SMC5: variants seen among roughly 807,000 people sequenced by gnomAD.
SMC5 encodes the protein structural maintenance of chromosomes 5.
Under a neutral mutation model 148.3 loss-of-function variants are expected in SMC5, and 88 were observed. The ratio of observed to expected loss-of-function variants is 0.59; its 90% CI spans 0.50 to 0.71. SMC5 has a LOEUF of 0.71. Ranked by LOEUF, SMC5 falls within the 30% of genes least tolerant of loss-of-function variation. The pLI is 0.00. For missense variants in SMC5, 1,142 were observed against 1,298.9 expected (o/e 0.88, Z 1.86); for synonymous variants, 421 against 432.8 (o/e 0.97, Z 0.34).
intron 8 of SMC5, among the ~76,000 whole-genome samples, chr9:70,287,258 T>A: frequency 6.6e-6 from 1 of 152,120 alleles, no homozygotes; most frequent in South Asian, 2.1e-4. Context: ...TATAATATTG[T>A]TTTTTCTTAG....
At position 70,291,235 on chromosome 9, in the gene SMC5, T is replaced by G. The variant is rs138574535; in HGVS notation, c.1053+4964T>G. Among the ~76,000 whole-genome samples, 598 of 152,358 alleles carry G rather than the reference T, an allele frequency of 3.9e-3. 3 individuals carry two copies. Among genetic ancestry groups the G allele is most frequent in the African/African-American group, 0.013 (553 of 41,588 alleles). Reference sequence around the variant, plus strand: ...GAATCTGTATTTCCTAAAATGCCTGTAACCCATATGTTTCCCAGTCTTTGT... The same window carrying G: ...GAATCTGTATTTCCTAAAATGCCTGGAACCCATATGTTTCCCAGTCTTTGT... On this transcript the variant is annotated intron_variant, in intron 8 of 24. Transcript: ENST00000361138.
At chr9:70,295,361 C>T (rs113379476) in intron 8 of SMC5, among the ~76,000 whole-genome samples, 1,801 of 151,188 alleles carry the variant, frequency 0.012, 27 homozygotes, top group African/African-American at 0.041. Context: ...GTCCCAGCTA[C>T]TCGGGAGGCT....
chr9:70,288,444 T>A (rs1453182333), intron 8 of SMC5, among the ~76,000 whole-genome samples: 5 of 152,038 alleles, frequency 3.3e-5, no homozygotes, highest in African/African-American at 7.2e-5. Flanking sequence ...TAATTTTTTT[T>A]AAAAATCAAC....
intron 8 of SMC5, among the ~76,000 whole-genome samples, chr9:70,293,430 TTC>T (rs1048824950): frequency 2.6e-5 from 4 of 152,020 alleles, no homozygotes; most frequent in African/African-American, 9.7e-5. Context: ...TTATTGATTT[TTC>T]TCTCTGTTTT....
Position 70,350,304 on chromosome 9 carries a change from T to G in SMC5, c.3069+11T>G, listed in dbSNP as rs746702421. ...GATGAAATCAATCAGGTATGGTGAT[T>G]GTTCTGTTACTTGGATCTTCTTATA... On this transcript the variant is annotated intron_variant, in intron 23 of 24. Transcript: ENST00000361138. 3.7e-6 allele frequency: 6 copies of G among 1,611,604 alleles called. No individual in the cohort carries two copies.
intron 11 of SMC5, among the ~76,000 whole-genome samples, chr9:70,305,977 T>C (rs370410413): frequency 4.9e-4 from 74 of 152,340 alleles, no homozygotes; most frequent in African/African-American, 1.7e-3. Flanking sequence ...GGTAACATTA[T>C]CTACTTCAAA....
intron 18 of SMC5, 45 bp from the exon 19 acceptor site, chr9:70,346,560 C>G (rs769051603): frequency 5.6e-6 from 9 of 1,600,852 alleles, no homozygotes; most frequent in Admixed American, 5.1e-5. Flanking sequence ...ACTTCTTGCT[C>G]TCTTTCAATG....
chr9:70,347,008 A>G (rs12683377), intron 19 of SMC5, 58 bp from the exon 20 acceptor site: 2 of 1,275,890 alleles, frequency 1.6e-6, no homozygotes, highest in Middle Eastern at 1.9e-4. Context: ...TTTTCTTTTA[A>G]CTATTTGAAT....
intron 8 of SMC5, among the ~76,000 whole-genome samples, 187 bp from the exon 9 acceptor site, chr9:70,297,779 G>A (rs1361865870): frequency 6.6e-6 from 1 of 152,170 alleles, no homozygotes; most frequent in Non-Finnish European, 1.5e-5. Context: ...ATTAGTGAAT[G>A]TGTGAAACAA....
chr9:70,347,606 C>T lies in SMC5; in HGVS notation c.2665-7C>T, dbSNP rs62570342. 2 of 1,472,636 alleles carry T rather than the reference C, an allele frequency of 1.4e-6. No homozygotes were observed. The highest frequency in any genetic ancestry group is 1.8e-6 in the Non-Finnish European group (2 of 1,087,028). The allele number at this position is 1,472,636 out of a possible 1,614,324, so 91.2% of individuals were successfully genotyped here. A position where few individuals can be genotyped will look rare whatever the true frequency, so the allele number is the denominator to read the frequency against. ...TATCTTAAAGAAGTTTTTTTTTCCC[C>T]TGCCAGATTGTTCAGGAATATACAA... On this transcript the variant is annotated splice_polypyrimidine_tract_variant and splice_region_variant and intron_variant, in intron 20 of 24. Coordinates refer to ENST00000361138, the MANE Select transcript of SMC5 (RefSeq NM_015110.4).
intron 2 of SMC5, 152 bp from the exon 3 acceptor site, chr9:70,267,771 C>T: frequency 1.6e-6 from 1 of 606,546 alleles, no homozygotes; most frequent in South Asian, 2.3e-5. Flanking sequence ...GAACCCAGAT[C>T]TGGGAGAGAT....
intron 3 of SMC5, among the ~76,000 whole-genome samples, chr9:70,268,397 G>A (rs1301153598): frequency 6.6e-6 from 1 of 152,064 alleles, no homozygotes; most frequent in African/African-American, 2.4e-5. Context: ...AGTGAGCCGA[G>A]ATGGCGCCAC....
chr9:70,313,730 C>T (rs1355695476), intron 11 of SMC5, among the ~76,000 whole-genome samples: 1 of 152,104 alleles, frequency 6.6e-6, no homozygotes, highest in Admixed American at 6.6e-5. Flanking sequence ...GAACTCCTGA[C>T]CTCAGTTGAT....
rs771417726 is a variant in SMC5, at chr9:70,350,138, C to T, written c.2914C>T (p.Arg972Ter). Reference sequence around the variant, plus strand: ...GGAAGATTATGATAAATATGGAATTCGAATTAGAGTCAAATTTCGAAGTAG... The same window carrying T: ...GGAAGATTATGATAAATATGGAATTTGAATTAGAGTCAAATTTCGAAGTAG... ...NEEDYDKYGI[R>*]IRVKFRSSTQ... Residue 972 changes from arginine (R) to a stop codon, truncating the protein, a stop_gained, in exon 23 of 25, where the codon CGA (arginine) becomes TGA (stop). Coordinates refer to ENST00000361138, the MANE Select transcript of SMC5 (RefSeq NM_015110.4). LOFTEE classifies it high-confidence loss of function. The T allele has an allele frequency of 4.4e-6, 7 of 1,605,752 alleles. No homozygotes were observed. Among genetic ancestry groups the T allele is most frequent in the East Asian group, 2.2e-5 (1 of 44,574 alleles).
At chr9:70,342,149 A>G (rs1587715254) in intron 17 of SMC5, among the ~76,000 whole-genome samples, 1 of 151,030 alleles carries the variant, frequency 6.6e-6, no homozygotes, top group Admixed American at 6.6e-5. Flanking sequence ...ACAAAAAACC[A>G]AACACCGCAT....
At position 70,298,092 on chromosome 9, in the gene SMC5, G is replaced by A. The variant is rs775187225; in HGVS notation, c.1180G>A (p.Glu394Lys). ...TGAACTAAAGACCACGGAAAACTGC[G>A]AGAATCTTCAGCCCCAGATTGATGC... Reference protein sequence around the residue: ...QNELKTTENCENLQPQIDAIT... With the variant: ...QNELKTTENCKNLQPQIDAIT... Residue 394 changes from glutamate to lysine, a missense_variant, in exon 9 of 25, where the codon GAG becomes AAG. By Grantham distance (56) the Glu-to-Lys change is moderately conservative. Transcript: ENST00000361138. The A allele has an allele frequency of 1.9e-6, 3 of 1,614,032 alleles. No homozygotes were observed. The highest frequency in any genetic ancestry group is 1.7e-5 in the Admixed American group (1 of 60,012).
intron 1 of SMC5, among the ~76,000 whole-genome samples, chr9:70,263,855 A>C (rs1221633094): frequency 6.6e-6 from 1 of 152,240 alleles, no homozygotes. Flanking sequence ...TTTGTAATTA[A>C]AAATCTGCTT....
At chr9:70,309,819 A>G (rs2035612314) in intron 11 of SMC5, among the ~76,000 whole-genome samples, 1 of 152,148 alleles carries the variant, frequency 6.6e-6, no homozygotes, top group African/African-American at 2.4e-5. Context: ...CCTCCCATGA[A>G]TCAAAAATGT....
intron 17 of SMC5, among the ~76,000 whole-genome samples, chr9:70,343,792 G>A (rs1454656767): frequency 1.3e-5 from 2 of 152,102 alleles, no homozygotes; most frequent in African/African-American, 4.8e-5. Context: ...CTGCACTCCA[G>A]CCTGGGTGAC....
Sources: gnomAD v4.1 joint callset for allele counts (sites outside exome capture counted in the v4.1 genomes callset) on GRCh38, gnomAD v4.1.1 for gene constraint, MANE v1.5 for transcripts, NCBI Gene and HGNC (gene_info 2026-07-23, HGNC 2026-07-21) for gene names.